Variants in TMEM243 observed in about 807,000 individuals in gnomAD.
The protein encoded by TMEM243 is MDR1 and mitochondrial taxol resistance associated.
In TMEM243, 20 loss-of-function variants were observed where a neutral mutation model predicts 15.0. The observed-to-expected ratio is 1.33, with a 90% CI of 0.94 to 1.93. The LOEUF (loss-of-function observed/expected upper bound fraction) is 1.93, where lower values mean the gene tolerates loss of function less well. TMEM243 is among the 30% of genes most tolerant of loss of function. TMEM243 has a pLI of 0.00. For synonymous variants in TMEM243, 72 were observed against 52.7 expected, an observed-to-expected ratio of 1.37 and a Z score of -1.59; for missense variants, 156 against 142.1, an observed-to-expected ratio of 1.10 and a Z score of -0.50.
intron 1 of TMEM243, among the ~76,000 whole-genome samples, chr7:87,201,579 A>G (rs1005345458): frequency 2.0e-5 from 3 of 152,236 alleles, no homozygotes; most frequent in Non-Finnish European, 4.4e-5. Context: ...AGAGGATAAT[A>G]GAGAATAATT....
intron 2 of TMEM243, 80 bp downstream of exon 2, chr7:87,198,927 T>G (rs1801581332): frequency 7.7e-7 from 1 of 1,291,210 alleles, no homozygotes; most frequent in African/African-American, 1.5e-5. Context: ...ATTTAGCTTT[T>G]TTTGGAAAGT....
At chr7:87,207,098 A>T (rs1331479497) in intron 1 of TMEM243, among the ~76,000 whole-genome samples, 1 of 152,252 alleles carries the variant, frequency 6.6e-6, no homozygotes, top group Non-Finnish European at 1.5e-5. Context: ...TTGTTCCCAA[A>T]GAAATATCAA....
chr7:87,211,803 C>A lies in TMEM243; in HGVS notation c.78+7623G>T, dbSNP rs1802771894. Among the ~76,000 whole-genome samples the A allele has an allele frequency of 2.6e-5, 4 of 152,312 alleles. No homozygotes were observed. In the South Asian group the frequency reaches 8.3e-4, roughly 32 times the overall value. On this transcript the variant is annotated intron_variant, in intron 1 of 3. Coordinates refer to ENST00000257637, the MANE Select transcript of TMEM243 (RefSeq NM_024315.4). ...GACAACCGGAGGTATAGCAGCCACA[C>A]AGGTGGAAAGCAAGGAGACATTCTG...
At chr7:87,201,717 T>C (rs1156932459) in intron 1 of TMEM243, among the ~76,000 whole-genome samples, 2 of 152,224 alleles carry the variant, frequency 1.3e-5, no homozygotes, top group Admixed American at 6.5e-5. Flanking sequence ...AAATTGAAAC[T>C]CATTATTTCT....
At chr7:87,215,497 GTTTC>G (rs1217615297) in intron 1 of TMEM243, among the ~76,000 whole-genome samples, 6 of 152,130 alleles carry the variant, frequency 3.9e-5, no homozygotes, top group Admixed American at 2.0e-4. Flanking sequence ...TATTTCACTT[GTTTC>G]TTTATACTTT....
chr7:87,219,970 A>G (rs190948810), upstream of TMEM243, among the ~76,000 whole-genome samples: 1 of 152,248 alleles, frequency 6.6e-6, no homozygotes, highest in African/African-American at 2.4e-5. Flanking sequence ...TGTTTTCCCA[A>G]TTTTCTACGG....
At chr7:87,198,677 G>T (rs1332820006) in intron 2 of TMEM243, 5 of 365,118 alleles carry the variant, frequency 1.4e-5, no homozygotes, top group Non-Finnish European at 9.9e-6. Flanking sequence ...AAAGGGTAAT[G>T]GATATGTTCT....
chr7:87,200,188 C>T (rs1801682565), intron 1 of TMEM243, among the ~76,000 whole-genome samples: 1 of 152,000 alleles, frequency 6.6e-6, no homozygotes. Context: ...TAACCAAGGA[C>T]AAATCACAAC....
chr7:87,197,286 TTTAA>T (rs1341516764), intron 3 of TMEM243, among the ~76,000 whole-genome samples: 27 of 152,160 alleles, frequency 1.8e-4, no homozygotes, highest in African/African-American at 4.1e-4. Context: ...TGTCTCCTGG[TTTAA>T]TTAATTTTAA....
At chr7:87,201,552 T>C (rs1413206457) in intron 1 of TMEM243, among the ~76,000 whole-genome samples, 1 of 152,210 alleles carries the variant, frequency 6.6e-6, no homozygotes, top group Non-Finnish European at 1.5e-5. Context: ...GCAGCTCTTC[T>C]AGCTCCCAAT....
Position 87,196,697 on chromosome 7 carries a change from A to G in TMEM243, c.296T>C (p.Ile99Thr), listed in dbSNP as rs78040532. ...PKFRKLIYYI[I>T]FSIIMLCICA... ...TATACACAACATGATGATAGAAAAT[A>G]TGATATAGTAAATTAGCTTTCTAAA... Residue 99 changes from isoleucine to threonine, a missense_variant, in exon 4 of 4, where the codon ATA (isoleucine) becomes ACA (threonine). By Grantham distance (89) the Ile-to-Thr change is moderately conservative. Transcript: ENST00000257637. The G allele has an allele frequency of 8.7e-6, 14 of 1,609,534 alleles. No individual in the cohort carries two copies. The East Asian group carries it at 2.9e-4, about 33-fold the overall frequency.
Position 87,219,549 on chromosome 7 carries a change from C to T in TMEM243, c.-46G>A. 1 of 1,563,908 alleles carries T rather than the reference C, an allele frequency of 6.4e-7. No homozygotes were observed. Among genetic ancestry groups the T allele is most frequent in the Non-Finnish European group, 8.8e-7 (1 of 1,135,792 alleles). On this transcript the variant is annotated 5_prime_UTR_variant, in exon 1 of 4. The change abolishes an upstream ATG in the 5' untranslated region. Transcript: ENST00000257637. Reference sequence around the variant, plus strand: ...CCCAAGCCACTTAAAAGCAAGACAGCATGACCTCCCGAGGTCTCAGGTCCA... The same window carrying T: ...CCCAAGCCACTTAAAAGCAAGACAGTATGACCTCCCGAGGTCTCAGGTCCA...
chr7:87,208,978 A>T (rs565126593), intron 1 of TMEM243, among the ~76,000 whole-genome samples: 2 of 152,352 alleles, frequency 1.3e-5, no homozygotes, highest in Admixed American at 1.3e-4. Flanking sequence ...ATAACACACT[A>T]ACTGGGCTTA....
Position 87,196,509 on chromosome 7 carries a change from A to G in TMEM243, c.*127T>C. On this transcript the variant is annotated 3_prime_UTR_variant, in exon 4 of 4. Transcript: ENST00000257637. ...CCCTTGCAAGAGGGAATTAACATTT[A>G]CAATTAACATGAAAATCATGTATCA... The G allele has an allele frequency of 1.0e-6, 1 of 964,848 alleles. No individual in the cohort carries two copies. The highest frequency in any genetic ancestry group is 1.5e-6 in the Non-Finnish European group (1 of 650,752). 59.8% of individuals were successfully genotyped at this position (964,848 alleles called of 1,614,324 possible).
chr7:87,202,727 A>G (rs575440087), intron 1 of TMEM243, among the ~76,000 whole-genome samples: 27 of 152,218 alleles, frequency 1.8e-4, no homozygotes, highest in Non-Finnish European at 3.2e-4. Flanking sequence ...ACTAATAAAT[A>G]CAGACCTTAA....
At chr7:87,219,370 A>G in intron 1 of TMEM243, 56 bp downstream of exon 1, 5 of 1,561,764 alleles carry the variant, frequency 3.2e-6, no homozygotes, top group Non-Finnish European at 4.4e-6. Context: ...ACTCCGCCAG[A>G]GGGCAGGCAG....
chr7:87,210,300 G>A (rs1802652226), intron 1 of TMEM243, among the ~76,000 whole-genome samples: 1 of 152,084 alleles, frequency 6.6e-6, no homozygotes. Flanking sequence ...CAGCCCCTGG[G>A]CCCTCCGAAA....
intron 1 of TMEM243, among the ~76,000 whole-genome samples, chr7:87,209,748 C>CACAGTGAGAGCGAGAT (rs1562885317): frequency 3.4e-5 from 2 of 58,378 alleles, no homozygotes; most frequent in Non-Finnish European, 3.7e-5. Flanking sequence ...GAGAGCGAGA[C>CACAGTGAGAGCGAGAT]ACAGAGCGAG....
chr7:87,203,697 C>A (rs1801992607), intron 1 of TMEM243, among the ~76,000 whole-genome samples: 1 of 151,424 alleles, frequency 6.6e-6, no homozygotes, highest in Non-Finnish European at 1.5e-5. Context: ...GTGGGAAGTA[C>A]AACAGAATTT....
Sources: allele counts gnomAD v4.1 joint callset (sites outside exome capture counted in the v4.1 genomes callset), GRCh38; gene constraint gnomAD v4.1.1; transcripts MANE v1.5; gene names NCBI Gene and HGNC (gene_info 2026-07-23, HGNC 2026-07-21).